The following TNS3 variants were observed in gnomAD, a reference collection of about 807,000 sequenced individuals.
The protein encoded by TNS3 is tensin-3.
Under a neutral mutation model 140.9 loss-of-function variants are expected in TNS3, and 45 were observed. The observed-to-expected ratio is 0.32, with a 90% CI of 0.25 to 0.41. The LOEUF is 0.41. Among genes scored for constraint, TNS3 ranks in the 10% least tolerant of loss-of-function variants. The probability of loss-of-function intolerance (pLI) is 1.00; values close to 1 mark genes in which losing one functional copy is unlikely to be tolerated. For synonymous variants in TNS3, 815 were observed against 788.4 expected (o/e 1.03, Z -0.56); for missense variants, 1,716 against 1,906.7 (o/e 0.90, Z 1.86).
At chr7:47,397,467 C>T (rs879943634) in intron 15 of TNS3, among the ~76,000 whole-genome samples, 1 of 152,084 alleles carries the variant, frequency 6.6e-6, no homozygotes, top group East Asian at 1.9e-4. Context: ...GACAATTCAC[C>T]TTGATGATAA....
chr7:47,325,239 T>C (rs888030396), intron 20 of TNS3, among the ~76,000 whole-genome samples: 1 of 152,222 alleles, frequency 6.6e-6, no homozygotes, highest in African/African-American at 2.4e-5. Context: ...CTATCTGTAC[T>C]TGGTCACTCA....
At chr7:47,478,719 C>G (rs747210909) in intron 4 of TNS3, among the ~76,000 whole-genome samples, 36 of 151,848 alleles carry the variant, frequency 2.4e-4, no homozygotes, top group Non-Finnish European at 5.1e-4. Flanking sequence ...ACATACATAA[C>G]TCTCATATGT....
At chr7:47,542,660 G>A (rs914814011) in intron 1 of TNS3, among the ~76,000 whole-genome samples, 3 of 152,114 alleles carry the variant, frequency 2.0e-5, no homozygotes, top group Non-Finnish European at 4.4e-5. Flanking sequence ...GGCCGAGCAC[G>A]GTGGCTCAAC....
chr7:47,488,733 G>A (rs1034876789), intron 3 of TNS3, among the ~76,000 whole-genome samples: 3 of 152,216 alleles, frequency 2.0e-5, no homozygotes, highest in Non-Finnish European at 4.4e-5. Flanking sequence ...CTGACAGGAC[G>A]GGTGGAGACG....
chr7:47,548,154 C>G (rs749734060), intron 1 of TNS3, among the ~76,000 whole-genome samples: 62 of 152,330 alleles, frequency 4.1e-4, no homozygotes, highest in Non-Finnish European at 7.8e-4. Context: ...CCCTCCTTGG[C>G]CTCCCAAAGT....
chr7:47,479,695 A>C (rs2151783308), intron 4 of TNS3, among the ~76,000 whole-genome samples: 1 of 152,342 alleles, frequency 6.6e-6, no homozygotes, highest in African/African-American at 2.4e-5. Context: ...ATGACCTCAA[A>C]TGCATACTTT....
At chr7:47,327,265 T>C (rs1280490076) in intron 20 of TNS3, among the ~76,000 whole-genome samples, 1 of 152,116 alleles carries the variant, frequency 6.6e-6, no homozygotes, top group Non-Finnish European at 1.5e-5. Flanking sequence ...AATGCATGGG[T>C]TTTTGTTTTT....
chr7:47,512,316 C>T (rs1798639673), intron 2 of TNS3, among the ~76,000 whole-genome samples: 1 of 152,176 alleles, frequency 6.6e-6, no homozygotes, highest in East Asian at 1.9e-4. Context: ...TCTGAACTCA[C>T]ATGCTCACTC....
intron 2 of TNS3, among the ~76,000 whole-genome samples, chr7:47,521,575 T>G (rs903505069): frequency 6.6e-6 from 1 of 152,004 alleles, no homozygotes; most frequent in African/African-American, 2.4e-5. Flanking sequence ...TGGCCATGGA[T>G]AGTTCTGGAG....
chr7:47,462,474 A>T (rs1243735375), intron 4 of TNS3, among the ~76,000 whole-genome samples: 1 of 152,180 alleles, frequency 6.6e-6, no homozygotes, highest in Non-Finnish European at 1.5e-5. Flanking sequence ...GCAGGACCCT[A>T]ACCCTTTATT....
At chr7:47,474,147 A>ACAC (rs2151753240) in intron 4 of TNS3, among the ~76,000 whole-genome samples, 1 of 87,852 alleles carries the variant, frequency 1.1e-5, no homozygotes, top group South Asian at 4.3e-4. Flanking sequence ...CACACACACA[A>ACAC]CACACATAAA....
intron 20 of TNS3, among the ~76,000 whole-genome samples, chr7:47,334,605 CTTTTTT>C (rs386410072): frequency 8.4e-6 from 1 of 118,772 alleles, no homozygotes; most frequent in African/African-American, 3.2e-5. Flanking sequence ...AACCACGACT[CTTTTTT>C]TTTTTTTTTT....
intron 16 of TNS3, among the ~76,000 whole-genome samples, chr7:47,393,262 C>T (rs979214077): frequency 6.6e-6 from 1 of 152,054 alleles, no homozygotes; most frequent in Non-Finnish European, 1.5e-5. Context: ...AATATTGATA[C>T]AAGCTTAAAT....
intron 13 of TNS3, among the ~76,000 whole-genome samples, chr7:47,411,513 G>A (rs1051517431): frequency 6.6e-5 from 10 of 151,898 alleles, no homozygotes; most frequent in Admixed American, 5.9e-4. Flanking sequence ...ATGCTCGCTC[G>A]CTGGCCCGGT....
intron 1 of TNS3, among the ~76,000 whole-genome samples, chr7:47,549,013 C>A (rs1420388282): frequency 1.3e-5 from 2 of 152,066 alleles, no homozygotes; most frequent in Admixed American, 1.3e-4. Flanking sequence ...AAAATAAAGC[C>A]CCAAAAAGGC....
chr7:47,541,092 A>G (rs1023373972), intron 1 of TNS3, among the ~76,000 whole-genome samples: 16 of 152,290 alleles, frequency 1.1e-4, no homozygotes, highest in South Asian at 4.2e-4. Flanking sequence ...AACACAGATA[A>G]ATGTACAGGG....
intron 3 of TNS3, among the ~76,000 whole-genome samples, chr7:47,487,907 A>G (rs911582837): frequency 1.3e-5 from 2 of 152,168 alleles, no homozygotes; most frequent in African/African-American, 4.8e-5. Context: ...AGTCATAAAA[A>G]CAGTCAGAGG....
intron 1 of TNS3, among the ~76,000 whole-genome samples, chr7:47,560,827 C>T (rs766776087): frequency 5.3e-5 from 8 of 152,162 alleles, no homozygotes; most frequent in Non-Finnish European, 1.2e-4. Context: ...GGAACCCAGG[C>T]GCCACCAGAT....
intron 30 of TNS3, 146 bp downstream of exon 30, chr7:47,280,018 A>G (rs992885741): frequency 6.4e-6 from 6 of 937,350 alleles, no homozygotes; most frequent in Non-Finnish European, 9.8e-6. Context: ...TAATGAGAAC[A>G]CTTTTACTTT....
Sources: gnomAD v4.1 joint callset for allele counts (sites outside exome capture counted in the v4.1 genomes callset) on GRCh38, gnomAD v4.1.1 for gene constraint, MANE v1.5 for transcripts, NCBI Gene and HGNC (gene_info 2026-07-23, HGNC 2026-07-21) for gene names.